THRB: variants seen among roughly 807,000 people sequenced by gnomAD.
The protein encoded by THRB is thyroid hormone receptor beta.
Under a neutral mutation model 47.8 loss-of-function variants are expected in THRB, and 12 were observed. That is an observed-to-expected ratio of 0.25 (90% confidence interval 0.16 to 0.41). The LOEUF (loss-of-function observed/expected upper bound fraction) is 0.41. THRB is among the 10% of genes least tolerant of loss of function. The pLI is 1.00. For missense variants in THRB, 348 were observed against 589.2 expected (o/e 0.59, Z 4.24); for synonymous variants, 218 against 212.2 (o/e 1.03, Z -0.24).
chr3:24,240,041 G>T (rs1451094016), intron 3 of THRB, among the ~76,000 whole-genome samples: 2 of 152,126 alleles, frequency 1.3e-5, no homozygotes, highest in East Asian at 3.9e-4. Flanking sequence ...ATTTCTGTGG[G>T]GTTGCTGTGG....
At chr3:24,125,867 G>A (rs1330854606) in intron 10 of THRB, among the ~76,000 whole-genome samples, 1 of 152,144 alleles carries the variant, frequency 6.6e-6, no homozygotes, top group Admixed American at 6.5e-5. Context: ...TACAGGTCCT[G>A]CACACACTGA....
chr3:24,288,654 T>C (rs2055590132), intron 3 of THRB, among the ~76,000 whole-genome samples: 3 of 152,208 alleles, frequency 2.0e-5, no homozygotes, highest in South Asian at 4.1e-4. Context: ...AAGCCTGTGA[T>C]TGACTGCCAA....
intron 4 of THRB, among the ~76,000 whole-genome samples, chr3:24,201,406 A>C (rs986362716): frequency 1.9e-4 from 29 of 152,148 alleles, no homozygotes; most frequent in African/African-American, 6.3e-4. Context: ...AAGGACCTGC[A>C]GCATCAGCAT....
intron 5 of THRB, among the ~76,000 whole-genome samples, chr3:24,185,194 AAAG>A (rs1559539760): frequency 1.3e-5 from 2 of 152,218 alleles, no homozygotes; most frequent in African/African-American, 4.8e-5. Context: ...ATACATCTAT[AAAG>A]AAGAATAATC....
At chr3:24,371,158 C>G (rs2064875324) in intron 1 of THRB, among the ~76,000 whole-genome samples, 1 of 152,032 alleles carries the variant, frequency 6.6e-6, no homozygotes, top group African/African-American at 2.4e-5. Flanking sequence ...GTGGTTAGAA[C>G]ACCTATCTAC....
chr3:24,477,724 AAAG>A (rs1348541940), intron 1 of THRB, among the ~76,000 whole-genome samples: 2 of 151,976 alleles, frequency 1.3e-5, no homozygotes, highest in Non-Finnish European at 2.9e-5. Context: ...CAAGGCAGCA[AAAG>A]AAGGCAACAT....
intron 1 of THRB, among the ~76,000 whole-genome samples, chr3:24,469,172 GT>G (rs1304532419): frequency 6.6e-6 from 1 of 152,118 alleles, no homozygotes; most frequent in African/African-American, 2.4e-5. Flanking sequence ...GAAAACAGGG[GT>G]TCCCTCCATC....
intron 4 of THRB, among the ~76,000 whole-genome samples, chr3:24,219,151 C>A (rs2149978891): frequency 6.6e-6 from 1 of 152,076 alleles, no homozygotes; most frequent in Middle Eastern, 3.4e-3. Context: ...GTGGTGTGTG[C>A]CAGTGGTTCC....
At chr3:24,401,270 G>T (rs1242952474) in intron 1 of THRB, among the ~76,000 whole-genome samples, 1 of 152,018 alleles carries the variant, frequency 6.6e-6, no homozygotes, top group Admixed American at 6.6e-5. Flanking sequence ...AAAGCTATTA[G>T]CCAAAGATAA....
chr3:24,234,098 A>T (rs1002794664), intron 3 of THRB, among the ~76,000 whole-genome samples: 1 of 152,174 alleles, frequency 6.6e-6, no homozygotes, highest in Non-Finnish European at 1.5e-5. Flanking sequence ...CACTCCTTCA[A>T]ATTCTCCTTT....
At chr3:24,198,453 C>A (rs1427349738) in intron 4 of THRB, among the ~76,000 whole-genome samples, 2 of 1,420 alleles carry the variant, frequency 1.4e-3, no homozygotes, top group South Asian at 0.042. Context: ...TCTCCCCCCG[C>A]CCCCCCCCCC....
intron 1 of THRB, among the ~76,000 whole-genome samples, chr3:24,419,572 C>T (rs2069053549): frequency 6.6e-6 from 1 of 151,866 alleles, no homozygotes; most frequent in Non-Finnish European, 1.5e-5. Flanking sequence ...CCAAGGTTAT[C>T]TAAAGTTAAA....
intron 1 of THRB, among the ~76,000 whole-genome samples, chr3:24,462,359 C>T (rs546561576): frequency 6.6e-4 from 100 of 152,334 alleles, no homozygotes; most frequent in South Asian, 2.1e-3. Context: ...TCCAGTCTTA[C>T]ATTCTAGAAT....
At chr3:24,416,092 C>T (rs771957342) in intron 1 of THRB, among the ~76,000 whole-genome samples, 2 of 151,698 alleles carry the variant, frequency 1.3e-5, no homozygotes, top group Admixed American at 1.3e-4. Context: ...TGAAATTTCA[C>T]GTCAATGACC....
chr3:24,277,598 A>T (rs1386386546), intron 3 of THRB, among the ~76,000 whole-genome samples: 1 of 152,090 alleles, frequency 6.6e-6, no homozygotes, highest in African/African-American at 2.4e-5. Context: ...CAAATCTAAA[A>T]TCTATGATTT....
chr3:24,392,858 C>T (rs1477083190), intron 1 of THRB, among the ~76,000 whole-genome samples: 1 of 152,056 alleles, frequency 6.6e-6, no homozygotes, highest in East Asian at 1.9e-4. Context: ...CCTCTATTCT[C>T]CTCTTTTGAT....
chr3:24,147,274 C>T (rs1043424960), intron 6 of THRB, among the ~76,000 whole-genome samples: 1 of 152,128 alleles, frequency 6.6e-6, no homozygotes, highest in African/African-American at 2.4e-5. Flanking sequence ...TGGATACTTG[C>T]AATACTTTAT....
At chr3:24,277,286 A>C (rs1420292567) in intron 3 of THRB, among the ~76,000 whole-genome samples, 2 of 152,230 alleles carry the variant, frequency 1.3e-5, no homozygotes. Flanking sequence ...GGTAGAGGCT[A>C]GGGATGCTGC....
intron 1 of THRB, among the ~76,000 whole-genome samples, chr3:24,481,033 G>GCT (rs1281011419): frequency 6.6e-6 from 1 of 152,066 alleles, no homozygotes; most frequent in Non-Finnish European, 1.5e-5. Context: ...GAAGAATCAG[G>GCT]CTGCCAAGCT....
Sources: allele counts gnomAD v4.1 joint callset (sites outside exome capture counted in the v4.1 genomes callset), GRCh38; gene constraint gnomAD v4.1.1; transcripts MANE v1.5; gene names NCBI Gene and HGNC (gene_info 2026-07-23, HGNC 2026-07-21).